Variants in GRM5 observed in about 807,000 individuals in gnomAD.
GRM5 encodes the protein glutamate metabotropic receptor 5, also known as metabotropic glutamate receptor 5.
In GRM5, 19 loss-of-function variants were observed where a neutral mutation model predicts 83.1. That is an observed-to-expected ratio of 0.23 (90% confidence interval 0.16 to 0.34). The LOEUF is 0.34. Ranked by LOEUF, GRM5 falls within the 10% of genes least tolerant of loss-of-function variation. The pLI, the probability that GRM5 is intolerant of heterozygous loss-of-function variation, is 1.00. For missense variants in GRM5, 1,160 were observed against 1,588.3 expected, an observed-to-expected ratio of 0.73 and a Z score of 4.58; for synonymous variants, 675 against 633.6, an observed-to-expected ratio of 1.07 and a Z score of -0.98.
intron 8 of GRM5, among the ~76,000 whole-genome samples, chr11:88,562,774 T>C (rs1036087446): frequency 6.6e-5 from 10 of 152,110 alleles, no homozygotes; most frequent in African/African-American, 2.2e-4. Context: ...ATTTTTTCTT[T>C]CCATTTCCAT....
At chr11:89,006,874 T>G (rs1441527891) in intron 2 of GRM5, among the ~76,000 whole-genome samples, 1 of 152,252 alleles carries the variant, frequency 6.6e-6, no homozygotes, top group East Asian at 1.9e-4. Context: ...CTCGGCTCAC[T>G]GCAAGCTCCG....
chr11:89,010,199 A>G (rs1338765842), intron 2 of GRM5, among the ~76,000 whole-genome samples: 2 of 152,096 alleles, frequency 1.3e-5, no homozygotes, highest in Non-Finnish European at 2.9e-5. Flanking sequence ...GATTATATGC[A>G]ATAAAAGCAT....
intron 3 of GRM5, among the ~76,000 whole-genome samples, chr11:88,815,224 G>C (rs1943654646): frequency 1.3e-5 from 2 of 152,058 alleles, no homozygotes; most frequent in African/African-American, 2.4e-5. Flanking sequence ...GTCATACAAA[G>C]TATACTTTTG....
chr11:88,522,623 G>T (rs1195806853), intron 9 of GRM5, among the ~76,000 whole-genome samples: 1 of 150,992 alleles, frequency 6.6e-6, no homozygotes, highest in Non-Finnish European at 1.5e-5. Flanking sequence ...GTGTGTGTGT[G>T]TGTGTGTGTG....
At chr11:88,643,245 A>C (rs544610670) in intron 4 of GRM5, among the ~76,000 whole-genome samples, 1 of 136,366 alleles carries the variant, frequency 7.3e-6, no homozygotes, top group African/African-American at 2.6e-5. Flanking sequence ...AGCAAAAGAC[A>C]GAGTAGGGTA....
At chr11:88,879,706 T>G (rs1261033393) in intron 2 of GRM5, among the ~76,000 whole-genome samples, 1 of 151,952 alleles carries the variant, frequency 6.6e-6, no homozygotes, top group Non-Finnish European at 1.5e-5. Context: ...GTAAATATTT[T>G]TTACCTGTTT....
At chr11:88,785,266 C>T (rs1179968219) in intron 3 of GRM5, among the ~76,000 whole-genome samples, 1 of 151,996 alleles carries the variant, frequency 6.6e-6, no homozygotes, top group Admixed American at 6.6e-5. Context: ...GTTTTGAGAA[C>T]TAATTACATA....
intron 8 of GRM5, among the ~76,000 whole-genome samples, chr11:88,545,323 T>C (rs1942363034): frequency 6.6e-6 from 1 of 152,192 alleles, no homozygotes; most frequent in Non-Finnish European, 1.5e-5. Flanking sequence ...TTCACTTAGA[T>C]GTCTCTTAGA....
chr11:88,709,782 G>C (rs773557434), intron 3 of GRM5, among the ~76,000 whole-genome samples: 6 of 152,136 alleles, frequency 3.9e-5, no homozygotes, highest in Non-Finnish European at 7.4e-5. Context: ...GCTGAGTTTT[G>C]AATGTGTGAA....
chr11:88,806,596 G>A (rs761030976), intron 3 of GRM5, among the ~76,000 whole-genome samples: 15 of 152,250 alleles, frequency 9.9e-5, no homozygotes, highest in Middle Eastern at 3.4e-3. Flanking sequence ...TTCAAGAATT[G>A]ACTAATGCTA....
chr11:88,567,537 G>C lies in GRM5; in HGVS notation c.2146C>G (p.Pro716Ala). The C allele has an allele frequency of 6.2e-7, 1 of 1,613,662 alleles. No homozygotes were observed. The highest frequency in any genetic ancestry group is 8.5e-7 in the Non-Finnish European group (1 of 1,179,598). ...GIIVALFIME[P>A]PDIMHDYPSI... Reference sequence around the variant, plus strand: ...GGGTAGTCATGCATTATGTCAGGAGGCTCCATTATAAAGAGGGCAACGATG... The same window carrying C: ...GGGTAGTCATGCATTATGTCAGGAGCCTCCATTATAAAGAGGGCAACGATG... The change falls in exon 8 of 10, where the codon CCT (proline) becomes GCT (alanine). Residue 716 changes from proline to alanine, a missense_variant. Pro to Ala is a conservative substitution (Grantham distance 27). Coordinates refer to ENST00000305447, the MANE Select transcript of GRM5 (RefSeq NM_001143831.3). The surrounding 1 kb of genome is among the most constrained non-coding windows in gnomAD (Gnocchi z 7.3).
Position 88,509,046 on chromosome 11 carries a change from C to T in GRM5, c.3185G>A (p.Ser1062Asn), listed in dbSNP as rs1565315989. 1.3e-6 allele frequency: 2 copies of T among 1,559,824 alleles called. No individual in the cohort carries two copies. Among genetic ancestry groups the T allele is most frequent in the Non-Finnish European group, 1.7e-6 (2 of 1,151,412 alleles). The change falls in exon 10 of 10, where the codon AGC (serine) becomes AAC (asparagine). Residue 1062 changes from serine to asparagine, a missense_variant. Ser to Asn is a conservative substitution (Grantham distance 46). Around this residue, in one of 9 missense-constraint regions of GRM5, gnomAD observed 562 missense variants for 532.4 expected, o/e 1.06. Coordinates refer to ENST00000305447, the MANE Select transcript of GRM5 (RefSeq NM_001143831.3). ...SSQGSLMEQI[S>N]SVVTRFTANI... is the part of the protein sequence containing the mutation. ...GGCCGTGAAGCGGGTGACCACACTG[C>T]TGATCTGCTCCATGAGGGAGCCCTG...
intron 3 of GRM5, among the ~76,000 whole-genome samples, chr11:88,836,841 CA>C (rs1020096821): frequency 1.8e-4 from 27 of 151,940 alleles, no homozygotes; most frequent in African/African-American, 3.9e-4. Flanking sequence ...AACAAACAAA[CA>C]AAAAAACAAA....
intron 2 of GRM5, among the ~76,000 whole-genome samples, chr11:88,888,882 T>G (rs186148660): frequency 6.6e-6 from 1 of 152,226 alleles, no homozygotes; most frequent in South Asian, 2.1e-4. Context: ...CCCAACAAAA[T>G]GATCAGTAAC....
At chr11:88,936,384 T>C (rs1203994824) in intron 2 of GRM5, among the ~76,000 whole-genome samples, 7 of 151,890 alleles carry the variant, frequency 4.6e-5, no homozygotes, top group African/African-American at 1.7e-4. Context: ...AAAACATTTA[T>C]TAAAGGAAAA....
chr11:88,707,575 CAGG>C (rs1287356284), intron 3 of GRM5, among the ~76,000 whole-genome samples: 2 of 152,002 alleles, frequency 1.3e-5, no homozygotes, highest in Non-Finnish European at 2.9e-5. Flanking sequence ...TTAAAGTAGA[CAGG>C]AGGATGTGTG....
chr11:89,028,373 A>G (rs1459923810), intron 2 of GRM5, among the ~76,000 whole-genome samples: 1 of 152,182 alleles, frequency 6.6e-6, no homozygotes, highest in Non-Finnish European at 1.5e-5. Flanking sequence ...ACTTGTGTCC[A>G]GGAGTTTGAG....
intron 3 of GRM5, among the ~76,000 whole-genome samples, chr11:88,770,848 G>A (rs924107395): frequency 6.6e-6 from 1 of 152,132 alleles, no homozygotes; most frequent in Non-Finnish European, 1.5e-5. Flanking sequence ...ATGTGATAAT[G>A]TATTCGGTTT....
intron 2 of GRM5, among the ~76,000 whole-genome samples, chr11:88,894,155 G>T (rs1376183822): frequency 6.6e-6 from 1 of 151,928 alleles, no homozygotes; most frequent in African/African-American, 2.4e-5. Flanking sequence ...CAACTGGACA[G>T]CCCATTTGCA....
Sources: gnomAD v4.1 joint callset for allele counts (sites outside exome capture counted in the v4.1 genomes callset) on GRCh38, gnomAD v4.1.1 for gene constraint, gnomAD v4.1.1 regional missense constraint, Gnocchi (gnomAD v3.1) non-coding constraint, MANE v1.5 for transcripts, NCBI Gene and HGNC (gene_info 2026-07-23, HGNC 2026-07-21) for gene names.